Variants in SREK1IP1 observed in about 807,000 individuals in gnomAD.
SREK1IP1 encodes protein SREK1IP1.
In SREK1IP1, 12 loss-of-function variants were observed where a neutral mutation model predicts 22.8. That is an observed-to-expected ratio of 0.53 (90% CI 0.34 to 0.85). The LOEUF is 0.85. SREK1IP1 is among the 40% of genes least tolerant of loss of function. The pLI is 0.02. For missense variants in SREK1IP1, 147 were observed against 171.8 expected (o/e 0.86, Z 0.81); for synonymous variants, 53 against 52.7 (o/e 1.01, Z -0.02).
chr5:64,723,800 G>C lies in SREK1IP1; in HGVS notation c.*584C>G, dbSNP rs1010504841. On this transcript the variant is annotated 3_prime_UTR_variant, in exon 5 of 5. Transcript: ENST00000513458. ...ATATTTTCATGATCATCTACCTGCA[G>C]ACACCATTCATTTAAAAAGTCCTAG... 6.6e-6 allele frequency: 1 copy of C among 152,496 alleles called. No individual in the cohort carries two copies. The highest frequency in any genetic ancestry group is 2.4e-5 in the African/African-American group (1 of 41,428). 9.4% of individuals were successfully genotyped at this position (152,496 alleles called of 1,614,324 possible). A position where few individuals can be genotyped will look rare whatever the true frequency, so the allele number is the denominator to read the frequency against.
At chr5:64,733,302 T>C (rs6449750) in intron 3 of SREK1IP1, among the ~76,000 whole-genome samples, 8,770 of 152,140 alleles carry the variant, frequency 0.058, 863 homozygotes, top group African/African-American at 0.2. Context: ...AAAGGACTAG[T>C]GTCTAGAATG....
intron 3 of SREK1IP1, among the ~76,000 whole-genome samples, chr5:64,734,769 G>C (rs759767607): frequency 1.3e-5 from 2 of 151,966 alleles, no homozygotes; most frequent in South Asian, 4.2e-4. Flanking sequence ...GTAGACTCTT[G>C]CAACTTTGCT....
chr5:64,767,376 C>T (rs971808460), intron 1 of SREK1IP1, among the ~76,000 whole-genome samples: 6 of 152,214 alleles, frequency 3.9e-5, no homozygotes, highest in East Asian at 1.9e-4. Flanking sequence ...CTGTGTGAAG[C>T]GTAACCATGT....
intron 4 of SREK1IP1, chr5:64,727,574 G>A (rs201432317): frequency 2.1e-4 from 28 of 132,396 alleles, no homozygotes; most frequent in East Asian, 1.4e-3. Flanking sequence ...TTTGGTGGGC[G>A]GGGGGCAGAT....
At chr5:64,742,827 A>T (rs573840733) in intron 2 of SREK1IP1, among the ~76,000 whole-genome samples, 3 of 152,176 alleles carry the variant, frequency 2.0e-5, no homozygotes, top group Non-Finnish European at 2.9e-5. Flanking sequence ...ATATTAATGT[A>T]TCTAAAATAT....
At chr5:64,768,347 G>A (rs771799462) in intron 1 of SREK1IP1, among the ~76,000 whole-genome samples, 158 bp downstream of exon 1, 5 of 152,182 alleles carry the variant, frequency 3.3e-5, no homozygotes, top group Non-Finnish European at 5.9e-5. Flanking sequence ...TTTATGTTTG[G>A]AGTGTAAACT....
At chr5:64,727,783 AGC>A (rs1452340265) in intron 4 of SREK1IP1, 1 of 160,604 alleles carries the variant, frequency 6.2e-6, no homozygotes, top group Non-Finnish European at 1.3e-5. Flanking sequence ...TCTGGGCTCA[AGC>A]CATTCTCCTG....
Position 64,722,208 on chromosome 5 carries a change from TG to T in SREK1IP1, c.*2175del, listed in dbSNP as rs1230526315. ...TACTTAGAAATGCCAACATCATTTC[TG>T]GGGGGAAAATTACTGATCATTAAAA... On this transcript the variant is annotated 3_prime_UTR_variant, in exon 5 of 5. Coordinates refer to ENST00000513458, the MANE Select transcript of SREK1IP1 (RefSeq NM_173829.4). 6.6e-6 allele frequency: 1 copy of T among 152,152 alleles called. No homozygotes were observed. The highest frequency in any genetic ancestry group is 1.5e-5 in the Non-Finnish European group (1 of 68,016). 9.4% of individuals were successfully genotyped at this position (152,152 alleles called of 1,614,324 possible).
intron 1 of SREK1IP1, among the ~76,000 whole-genome samples, chr5:64,758,982 CA>C (rs1008027433): frequency 6.6e-6 from 1 of 152,132 alleles, no homozygotes; most frequent in Non-Finnish European, 1.5e-5. Flanking sequence ...TGCTTCTACC[CA>C]AGAGTTTGAA....
chr5:64,764,408 T>C (rs534298096), intron 1 of SREK1IP1, among the ~76,000 whole-genome samples: 2 of 152,168 alleles, frequency 1.3e-5, no homozygotes, highest in African/African-American at 4.8e-5. Flanking sequence ...TTACAGGCAA[T>C]ATAGGAGGTA....
In SREK1IP1 at chr5:64,721,167, T is replaced by G. The variant is rs1742155691; in HGVS notation, c.*3217A>C. On this transcript the variant is annotated 3_prime_UTR_variant, in exon 5 of 5. Coordinates refer to ENST00000513458, the MANE Select transcript of SREK1IP1 (RefSeq NM_173829.4). ...GTAACCCCGAGTTTCTATAAACTCATGTTCATGTCAATTACTGCACTAATT... is the reference window on the plus strand; with the variant it reads ...GTAACCCCGAGTTTCTATAAACTCAGGTTCATGTCAATTACTGCACTAATT... 1 of 152,224 alleles carries G rather than the reference T, an allele frequency of 6.6e-6. No homozygotes were observed. The allele number at this position is 152,224 out of a possible 1,614,324, so 9.4% of individuals were successfully genotyped here.
chr5:64,743,454 AAAC>A (rs1439169877), intron 2 of SREK1IP1, among the ~76,000 whole-genome samples: 1 of 152,230 alleles, frequency 6.6e-6, no homozygotes, highest in Non-Finnish European at 1.5e-5. Context: ...CCCTGTTGTT[AAAC>A]AACACAACCA....
chr5:64,766,029 T>C (rs1743027867), intron 1 of SREK1IP1, among the ~76,000 whole-genome samples: 1 of 152,222 alleles, frequency 6.6e-6, no homozygotes, highest in African/African-American at 2.4e-5. Context: ...TATCTTTCGC[T>C]GCTGGCCTCT....
chr5:64,748,766 AAC>A (rs1262354996), intron 2 of SREK1IP1, among the ~76,000 whole-genome samples: 2 of 152,202 alleles, frequency 1.3e-5, no homozygotes, highest in Non-Finnish European at 2.9e-5. Context: ...AGGAAACTGA[AAC>A]ACAGTGATCA....
intron 2 of SREK1IP1, among the ~76,000 whole-genome samples, chr5:64,751,820 T>C (rs1295547491): frequency 6.6e-6 from 1 of 152,192 alleles, no homozygotes; most frequent in Non-Finnish European, 1.5e-5. Context: ...AGATGTGGTT[T>C]ACACACACAA....
chr5:64,724,459 G>T lies in SREK1IP1; in HGVS notation c.393C>A (p.His131Gln). 1.9e-6 allele frequency: 3 copies of T among 1,586,486 alleles called. No individual in the cohort carries two copies. Among genetic ancestry groups the T allele is most frequent in the Admixed American group, 1.9e-5 (1 of 53,504 alleles). The change falls in exon 5 of 5, where the codon CAC (histidine) becomes CAA (glutamine). Residue 131 changes from histidine to glutamine, a missense_variant. Coordinates refer to ENST00000513458, the MANE Select transcript of SREK1IP1 (RefSeq NM_173829.4). Reference sequence around the variant, plus strand: ...TTTTTCTCTTCTTTTTTTCCTTTTTGTGATGTTTCCCTTTTTTTGATTTAC... The same window carrying T: ...TTTTTCTCTTCTTTTTTTCCTTTTTTTGATGTTTCCCTTTTTTTGATTTAC... ...KKSKSKKGKHHKKEKKKRKKE... is the reference protein window; with the variant it reads ...KKSKSKKGKHQKKEKKKRKKE...
intron 2 of SREK1IP1, among the ~76,000 whole-genome samples, chr5:64,751,840 C>T (rs908050215): frequency 3.0e-4 from 45 of 152,204 alleles, no homozygotes; most frequent in African/African-American, 1.1e-3. Flanking sequence ...AGACTGAACA[C>T]CAATAAACAG....
At chr5:64,744,376 TTAATAAATGTC>T (rs2112099448) in intron 2 of SREK1IP1, among the ~76,000 whole-genome samples, 1 of 152,306 alleles carries the variant, frequency 6.6e-6, no homozygotes, top group South Asian at 2.1e-4. Context: ...TTAAAGCTTT[TTAATAAATGTC>T]TACTCCTGCT....
chr5:64,737,761 G>A (rs188435666), intron 3 of SREK1IP1, among the ~76,000 whole-genome samples: 137 of 152,042 alleles, frequency 9.0e-4, no homozygotes, highest in Admixed American at 8.1e-3. Flanking sequence ...AAATATAAAG[G>A]GGTGTTATAT....
Sources: gnomAD v4.1 joint callset for allele counts (sites outside exome capture counted in the v4.1 genomes callset) on GRCh38, gnomAD v4.1.1 for gene constraint, MANE v1.5 for transcripts, NCBI Gene and HGNC (gene_info 2026-07-23, HGNC 2026-07-21) for gene names.